ANO4: variants seen among roughly 807,000 people sequenced by gnomAD.
ANO4 encodes the protein anoctamin-4.
ANO4 carries 69 observed loss-of-function variants against 141.9 expected under a neutral mutation model. The observed-to-expected ratio is 0.49, with a 90% CI of 0.40 to 0.59. The LOEUF is 0.59. Ranked by LOEUF, ANO4 falls within the 20% of genes least tolerant of loss-of-function variation. ANO4 has a pLI of 0.00. For missense variants in ANO4, 894 were observed against 1,162.2 expected, an observed-to-expected ratio of 0.77 and a Z score of 3.36; for synonymous variants, 350 against 394.3, an observed-to-expected ratio of 0.89 and a Z score of 1.33.
upstream of ANO4, among the ~76,000 whole-genome samples, chr12:100,793,131 C>T (rs985545620): frequency 6.6e-6 from 1 of 152,162 alleles, no homozygotes; most frequent in African/African-American, 2.4e-5. Context: ...GTCCATGAGA[C>T]TGTAAACTTC....
intron 14 of ANO4, among the ~76,000 whole-genome samples, chr12:101,053,224 A>G (rs1297337843): frequency 6.6e-6 from 1 of 152,198 alleles, no homozygotes; most frequent in Non-Finnish European, 1.5e-5. Context: ...CCAAGAAGAG[A>G]TATTGGAAAG....
At chr12:100,998,879 A>T (rs945008808) in intron 8 of ANO4, among the ~76,000 whole-genome samples, 1 of 152,222 alleles carries the variant, frequency 6.6e-6, no homozygotes, top group Non-Finnish European at 1.5e-5. Flanking sequence ...TAACATTCAT[A>T]TAGTGCTTAG....
rs1482931813 is a variant in ANO4, at chr12:100,717,675, G to A, written c.22+128G>A. On this transcript the variant is annotated intron_variant, in intron 1 of 29. Coordinates refer to the ANO4 transcript ENST00000644049. ...GGGGTCTGGAAGGGAGGGAGACGGC[G>A]GCCGTGCGCGCCGCTCCTGAGGGGC... The A allele has an allele frequency of 1.0e-5, 4 of 395,384 alleles. No homozygotes were observed. The South Asian group carries it at 3.9e-4, about 38-fold the overall frequency. The allele number at this position is 395,384 out of a possible 1,614,324, so 24.5% of individuals were successfully genotyped here.
intron 1 of ANO4, among the ~76,000 whole-genome samples, chr12:100,732,772 C>T (rs1399438): frequency 0.41 from 61,779 of 151,974 alleles, 13,146 homozygotes; most frequent in East Asian, 0.53. Context: ...ACCTTGGGCA[C>T]GGCACTCAGC....
At chr12:100,967,606 C>G (rs7306448) in intron 5 of ANO4, among the ~76,000 whole-genome samples, 34,971 of 143,856 alleles carry the variant, frequency 0.24, 4,230 homozygotes, top group Middle Eastern at 0.34. Flanking sequence ...CACACACACA[C>G]AGAGGACTCA....
intron 3 of ANO4, among the ~76,000 whole-genome samples, chr12:100,930,822 TATAACTTCA>T (rs1322813822): frequency 1.3e-5 from 2 of 152,110 alleles, no homozygotes; most frequent in Non-Finnish European, 2.9e-5. Context: ...ATGATCAACA[TATAACTTCA>T]ATATACAAAA....
At chr12:101,081,349 A>G (rs972289438) in intron 15 of ANO4, among the ~76,000 whole-genome samples, 1 of 152,024 alleles carries the variant, frequency 6.6e-6, no homozygotes, top group African/African-American at 2.4e-5. Context: ...CCAGTCTACA[A>G]TCATTGTTGG....
intron 1 of ANO4, among the ~76,000 whole-genome samples, chr12:100,894,573 CAT>C (rs1166989189): frequency 6.6e-6 from 1 of 152,102 alleles, no homozygotes; most frequent in East Asian, 1.9e-4. Context: ...GCTAATGACA[CAT>C]GAGGTGCTAC....
intron 1 of ANO4, among the ~76,000 whole-genome samples, chr12:100,840,487 T>A (rs10860644): frequency 0.19 from 29,177 of 152,060 alleles, 3,334 homozygotes; most frequent in Middle Eastern, 0.35. Flanking sequence ...AAATGACTTG[T>A]TTGGGTCATA....
intron 3 of ANO4, among the ~76,000 whole-genome samples, chr12:100,930,184 G>A (rs1466286042): frequency 6.6e-6 from 1 of 151,998 alleles, no homozygotes; most frequent in Admixed American, 6.6e-5. Context: ...TTTTTAACTT[G>A]ATGTGATCCC....
At chr12:101,068,391 T>A in intron 14 of ANO4, 1 of 986,802 alleles carries the variant, frequency 1.0e-6, no homozygotes. Flanking sequence ...TTTGCCAAGA[T>A]GAAATAAGAA....
chr12:100,802,382 C>T (rs766025026), intron 1 of ANO4, among the ~76,000 whole-genome samples: 40 of 151,968 alleles, frequency 2.6e-4, no homozygotes, highest in Admixed American at 2.2e-3. Flanking sequence ...TTGCCTTGTC[C>T]CTCCTTTCTT....
At chr12:100,856,561 G>A (rs1183167123) in intron 1 of ANO4, among the ~76,000 whole-genome samples, 1 of 152,116 alleles carries the variant, frequency 6.6e-6, no homozygotes, top group Non-Finnish European at 1.5e-5. Context: ...TGAGTAAAGG[G>A]TATTTTGAGA....
chr12:100,945,948 C>A (rs566834984), intron 5 of ANO4, among the ~76,000 whole-genome samples: 2 of 151,872 alleles, frequency 1.3e-5, no homozygotes, highest in African/African-American at 2.4e-5. Flanking sequence ...GGAACTTAAA[C>A]AAAAAATATG....
At chr12:101,089,527 A>T (rs1282722182) in intron 17 of ANO4, among the ~76,000 whole-genome samples, 2 of 152,142 alleles carry the variant, frequency 1.3e-5, no homozygotes, top group Non-Finnish European at 2.9e-5. Flanking sequence ...GTAGAGAGTG[A>T]TTCCTAGTGA....
At chr12:100,969,385 G>T (rs937796613) in intron 5 of ANO4, among the ~76,000 whole-genome samples, 4 of 152,154 alleles carry the variant, frequency 2.6e-5, no homozygotes, top group Non-Finnish European at 5.9e-5. Flanking sequence ...ATTAGAGAGT[G>T]CCTCCCACTA....
intron 19 of ANO4, 146 bp from the exon 20 acceptor site, chr12:101,097,505 C>T: frequency 1.3e-6 from 1 of 748,096 alleles, no homozygotes; most frequent in Non-Finnish European, 2.2e-6. Flanking sequence ...ATGGTTATGA[C>T]AGATCTGGAG....
intron 2 of ANO4, among the ~76,000 whole-genome samples, chr12:100,921,610 G>A (rs1286662754): frequency 6.6e-6 from 1 of 152,094 alleles, no homozygotes; most frequent in Non-Finnish European, 1.5e-5. Context: ...ATAGGTGTAT[G>A]GAGCAGCATA....
At chr12:100,981,595 T>C (rs1025499863) in intron 7 of ANO4, among the ~76,000 whole-genome samples, 12 of 152,212 alleles carry the variant, frequency 7.9e-5, no homozygotes, top group African/African-American at 2.9e-4. Flanking sequence ...CATGATGCTA[T>C]TATTATAATA....
Sources: gnomAD v4.1 joint callset for allele counts (sites outside exome capture counted in the v4.1 genomes callset) on GRCh38, gnomAD v4.1.1 for gene constraint, MANE v1.5 for transcripts, NCBI Gene and HGNC (gene_info 2026-07-23, HGNC 2026-07-21) for gene names.